The following MNT variants were observed in gnomAD, a reference collection of about 807,000 sequenced individuals.
The protein encoded by MNT is MAX network transcriptional repressor, also known as max-binding protein MNT.
Under a neutral mutation model 40.7 loss-of-function variants are expected in MNT, and 13 were observed. The observed-to-expected ratio is 0.32, with a 90% CI of 0.21 to 0.51. MNT has a LOEUF of 0.51. Ranked by LOEUF, MNT falls within the 20% of genes least tolerant of loss-of-function variation. The pLI is 0.98. For synonymous variants in MNT, 426 were observed against 354.8 expected, an observed-to-expected ratio of 1.20 and a Z score of -2.26; for missense variants, 757 against 792.0, an observed-to-expected ratio of 0.96 and a Z score of 0.53.
At position 2,387,556 on chromosome 17, in the gene MNT, T is replaced by G. The variant is rs140963967; in HGVS notation, c.1094A>C (p.Lys365Thr). 4.5e-3 allele frequency: 7,325 copies of G among 1,613,958 alleles called. 334 individuals are homozygous for G. The South Asian group carries it at 0.074, about 16-fold the overall frequency. The stretch of plus-strand genomic sequence containing the variant: ...GGTGCTGGGGGGTGGCAGGGTGGAC[T>G]TCAGCAGCTCCGGCTGGGGACGATG... ...LSHRPQPELLKSTLPPPSTTP... is the reference protein window; with the variant it reads ...LSHRPQPELLTSTLPPPSTTP... The change falls in exon 6 of 6, where the codon AAG becomes ACG. Residue 365 changes from lysine to threonine, a missense_variant. Coordinates refer to ENST00000174618, the MANE Select transcript of MNT (RefSeq NM_020310.3).
rs2066568278 is a variant in MNT at position 2,395,297 on chromosome 17, TGGGGGTGCCGGC to T, written c.219_230del (p.Ala75_Pro78del). The T allele has an allele frequency of 2.7e-6, 3 of 1,107,152 alleles. No individual in the cohort carries two copies. Among genetic ancestry groups the T allele is most frequent in the Non-Finnish European group, 3.6e-6 (3 of 837,812 alleles). 68.6% of individuals were successfully genotyped at this position (1,107,152 alleles called of 1,614,324 possible). ...GTGGGGCAGGGGTGGCAAGTGGTGG[TGGGGGTGCCGGC>T]GGGGGAGCCGGTGGAGACAGAGGCA... On this transcript the variant is annotated inframe_deletion, in exon 2 of 6. Transcript: ENST00000174618.
At position 2,386,477 on chromosome 17, in the gene MNT, A is replaced by C. The variant is rs2066462962; in HGVS notation, c.*424T>G. ...TCCCCTCCAAAGGCCTGGGAAGAGA[A>C]CATGAGGCTCCGGAGGAAAGCCGGG... On this transcript the variant is annotated 3_prime_UTR_variant, in exon 6 of 6. Coordinates refer to ENST00000174618, the MANE Select transcript of MNT (RefSeq NM_020310.3). The C allele has an allele frequency of 5.5e-6, 1 of 180,900 alleles. No homozygotes were observed. Among genetic ancestry groups the C allele is most frequent in the Non-Finnish European group, 1.1e-5 (1 of 87,020 alleles). The allele number at this position is 180,900 out of a possible 1,614,324, so 11.2% of individuals were successfully genotyped here.
intron 4 of MNT, chr17:2,389,242 T>C (rs977415481): frequency 1.3e-5 from 2 of 151,276 alleles, no homozygotes; most frequent in African/African-American, 4.9e-5. Context: ...TTTGGTTATA[T>C]TCCCCTCCCC....
intron 4 of MNT, chr17:2,388,381 G>C: frequency 3.3e-6 from 1 of 302,740 alleles, no homozygotes; most frequent in Non-Finnish European, 6.2e-6. Flanking sequence ...TCTTCACTTT[G>C]CACACTTCTG....
chr17:2,397,640 A>AGGGC (rs1363059878), intron 1 of MNT, among the ~76,000 whole-genome samples: 3 of 152,220 alleles, frequency 2.0e-5, no homozygotes, highest in Admixed American at 6.5e-5. Flanking sequence ...CACAGGTGCC[A>AGGGC]GGAAGGACCC....
chr17:2,393,985 A>AGGGGCGGCGGAGGG, intron 4 of MNT, 58 bp downstream of exon 4: 1 of 1,209,890 alleles, frequency 8.3e-7, no homozygotes, highest in Non-Finnish European at 1.1e-6. Flanking sequence ...CGGCCGGGGG[A>AGGGGCGGCGGAGGG]GGGGCGGCGG....
chr17:2,384,910 C>CGG lies in MNT; in HGVS notation c.*1989_*1990dup, dbSNP rs1008510531. The stretch of plus-strand genomic sequence containing the variant: ...GGATGATGAGGTATCTGTGCAGGCC[C>CGG]GGGGGCCACTGGCCTCAGGATGCAG... On this transcript the variant is annotated 3_prime_UTR_variant, in exon 6 of 6. Coordinates refer to ENST00000174618, the MANE Select transcript of MNT (RefSeq NM_020310.3). 9.2e-5 allele frequency: 14 copies of CGG among 152,334 alleles called. No individual in the cohort carries two copies. The highest frequency in any genetic ancestry group is 7.2e-4 in the Admixed American group (11 of 15,236). The allele number at this position is 152,334 out of a possible 1,614,324, so 9.4% of individuals were successfully genotyped here.
At chr17:2,393,347 A>C (rs2066541017) in intron 4 of MNT, among the ~76,000 whole-genome samples, 1 of 152,102 alleles carries the variant, frequency 6.6e-6, no homozygotes, top group Non-Finnish European at 1.5e-5. Flanking sequence ...AGCGACGCCC[A>C]AAGGGAGGGG....
intron 1 of MNT, chr17:2,396,831 G>C (rs556185798): frequency 1.3e-5 from 2 of 152,364 alleles, no homozygotes; most frequent in Non-Finnish European, 1.5e-5. Flanking sequence ...CAGACAGCCC[G>C]GGCTCGTGGA....
chr17:2,399,504 G>A (rs960380608), intron 1 of MNT, among the ~76,000 whole-genome samples: 4 of 152,258 alleles, frequency 2.6e-5, no homozygotes, highest in African/African-American at 9.6e-5. Context: ...CCCTTGCCTC[G>A]GGATCAAACA....
intron 1 of MNT, among the ~76,000 whole-genome samples, chr17:2,396,274 C>T (rs1224632135): frequency 2.0e-5 from 3 of 152,210 alleles, no homozygotes; most frequent in Non-Finnish European, 2.9e-5. Flanking sequence ...TGACCCTTCT[C>T]GTGTTATAAC....
chr17:2,396,133 A>G (rs1351573569), intron 1 of MNT, among the ~76,000 whole-genome samples: 1 of 152,116 alleles, frequency 6.6e-6, no homozygotes, highest in Non-Finnish European at 1.5e-5. Context: ...CCCACGTCAC[A>G]TCATGGGCAG....
chr17:2,387,739 A>T (rs1268232601), intron 5 of MNT, 90 bp from the exon 6 acceptor site: 2 of 1,568,208 alleles, frequency 1.3e-6, no homozygotes, highest in Non-Finnish European at 1.7e-6. Context: ...TGGGAATGTG[A>T]TGGGGCTGGG....
Position 2,387,642 on chromosome 17 carries a change from C to T in MNT, c.1008G>A (p.Glu336=). 1.2e-6 allele frequency: 2 copies of T among 1,614,002 alleles called. No homozygotes were observed. The highest frequency in any genetic ancestry group is 1.7e-6 in the Non-Finnish European group (2 of 1,179,970). The stretch of plus-strand genomic sequence containing the variant: ...CCTCCATATCCTCGTCTATGTTGTC[C>T]TCACCCTCTGTGGGGAACATGGGGC... ...QASTSTASEG[E]DNIDEDMEED... The change falls in exon 6 of 6, where the codon GAG becomes GAA. Residue 336 remains glutamate (E), a synonymous_variant. Transcript: ENST00000174618.
chr17:2,393,872 C>T, intron 4 of MNT, 171 bp downstream of exon 4: 1 of 347,706 alleles, frequency 2.9e-6, no homozygotes. Context: ...CCCTCCCGGG[C>T]AGGGAGCCCC....
rs1428293775 is a variant in MNT at position 2,387,987 on chromosome 17, A to C, written c.870T>G (p.Ile290Met). ...GCTCTGCCAGCCGCTGCTGCGTGGC[A>C]ATCTTCTCACGTGCCAGCCGCTCCA... ...HEMERLAREKIATQQRLAELK... is the reference protein window; with the variant it reads ...HEMERLAREKMATQQRLAELK... The change falls in exon 5 of 6, where the codon ATT (isoleucine) becomes ATG (methionine). Residue 290 changes from isoleucine (I) to methionine (M), a missense_variant. Around this residue, in one of 4 missense-constraint regions of MNT, gnomAD observed 73 missense variants for 100.8 expected, o/e 0.72. Coordinates refer to ENST00000174618, the MANE Select transcript of MNT (RefSeq NM_020310.3). 1 of 1,586,038 alleles carries C rather than the reference A, an allele frequency of 6.3e-7. No individual in the cohort carries two copies. The highest frequency in any genetic ancestry group is 1.7e-5 in the Admixed American group (1 of 57,172).
Position 2,386,765 on chromosome 17 carries a change from C to T in MNT, c.*136G>A. 1 of 925,700 alleles carries T rather than the reference C, an allele frequency of 1.1e-6. No individual in the cohort carries two copies. The highest frequency in any genetic ancestry group is 2.1e-5 in the South Asian group (1 of 48,516). 57.3% of individuals were successfully genotyped at this position (925,700 alleles called of 1,614,324 possible). ...CCCTTGGCTCAGAGTCTTTGCACCC[C>T]CTTCCCCTAGGAGGCCTGGGGGTGG... On this transcript the variant is annotated 3_prime_UTR_variant, in exon 6 of 6. Coordinates refer to ENST00000174618, the MANE Select transcript of MNT (RefSeq NM_020310.3).
In MNT at chr17:2,387,537, G is replaced by A. The variant is rs757296633; in HGVS notation, c.1113C>T (p.Pro371=). 6.2e-7 allele frequency: 1 copy of A among 1,613,332 alleles called. No individual in the cohort carries two copies. The highest frequency in any genetic ancestry group is 8.5e-7 in the Non-Finnish European group (1 of 1,179,802). The change falls in exon 6 of 6, where the codon CCC becomes CCT. Residue 371 remains proline (P), a synonymous_variant. Coordinates refer to ENST00000174618, the MANE Select transcript of MNT (RefSeq NM_020310.3). ...PELLKSTLPP[P]STTPAPLPPH... ...GAGGCAGAGGCGCAGGGGTGGTGCT[G>A]GGGGGTGGCAGGGTGGACTTCAGCA...
At position 2,387,092 on chromosome 17, in the gene MNT, T is replaced by C; in HGVS notation, c.1558A>G (p.Ile520Val). The change falls in exon 6 of 6, where the codon ATC (isoleucine) becomes GTC (valine). Residue 520 changes from isoleucine to valine, a missense_variant. By Grantham distance (29) the Ile-to-Val change is conservative. This residue lies in a region of MNT where 345 missense variants were observed against 380.1 expected (regional missense o/e 0.91). Coordinates refer to ENST00000174618, the MANE Select transcript of MNT (RefSeq NM_020310.3). ...TGCTGGTGCGAGAGGGTGTGGGCGATGTGGCTCACTGCCACGGGCTGCGGG... is the reference window on the plus strand; with the variant it reads ...TGCTGGTGCGAGAGGGTGTGGGCGACGTGGCTCACTGCCACGGGCTGCGGG... ...LYPQPVAVSH[I>V]AHTLSHQQVN... The C allele has an allele frequency of 6.3e-7, 1 of 1,575,886 alleles. No homozygotes were observed.
Sources: allele counts gnomAD v4.1 joint callset (sites outside exome capture counted in the v4.1 genomes callset), GRCh38; gene constraint gnomAD v4.1.1; regional missense constraint gnomAD v4.1.1; transcripts MANE v1.5; gene names NCBI Gene and HGNC (gene_info 2026-07-23, HGNC 2026-07-21).